The following BRI3 variants were observed in gnomAD, a reference collection of about 807,000 sequenced individuals.
BRI3 encodes membrane protein BRI3.
A neutral mutation model predicts 12.8 loss-of-function variants in BRI3; 6 were observed. That is an observed-to-expected ratio of 0.47 (90% CI 0.26 to 0.93). The LOEUF (loss-of-function observed/expected upper bound fraction) is 0.93, where lower values mean the gene tolerates loss of function less well. Ranked by LOEUF, BRI3 falls within the 40% of genes least tolerant of loss-of-function variation. BRI3 has a pLI of 0.15. For missense variants in BRI3, 134 were observed against 171.1 expected (o/e 0.78, Z 1.21); for synonymous variants, 91 against 76.1 (o/e 1.20, Z -1.02).
chr7:98,293,563 G>A (rs13008), downstream of BRI3: 641,930 of 1,610,846 alleles, frequency 0.4, 143,046 homozygotes, highest in Middle Eastern at 0.48. Flanking sequence ...TCACAGTCGG[G>A]CGGAGTTTCA....
chr7:98,321,079 G>A, the BRI3 span, among the ~76,000 whole-genome samples: 1 of 151,698 alleles, frequency 6.6e-6, no homozygotes, highest in Non-Finnish European at 1.5e-5. Flanking sequence ...GGTTGGTCTC[G>A]AACTCCTGAC....
downstream of BRI3, among the ~76,000 whole-genome samples, chr7:98,311,668 G>T (rs1358613448): frequency 2.6e-5 from 4 of 152,018 alleles, no homozygotes; most frequent in Non-Finnish European, 5.9e-5. Flanking sequence ...AGCACTTTGG[G>T]AGGCCGAGGC....
At chr7:98,322,124 G>C in the BRI3 span, among the ~76,000 whole-genome samples, 17 of 152,068 alleles carry the variant, frequency 1.1e-4, no homozygotes, top group Non-Finnish European at 1.9e-4. Context: ...AATTCTAGTG[G>C]GGAACTGAGA....
chr7:98,323,154 G>A, the BRI3 span: 1 of 152,248 alleles, frequency 6.6e-6, no homozygotes, highest in Admixed American at 6.6e-5. Context: ...TCCAGAACGG[G>A]GCATGAGAAA....
At chr7:98,283,672 C>T (rs774834676) in intron 2 of BRI3, among the ~76,000 whole-genome samples, 1 of 152,192 alleles carries the variant, frequency 6.6e-6, no homozygotes, top group African/African-American at 2.4e-5. Flanking sequence ...AGCAGAGGGT[C>T]TGCCTGCGTG....
At chr7:98,302,662 CAA>C (rs1429594529), upstream of BRI3, among the ~76,000 whole-genome samples, 1 of 152,184 alleles carries the variant, frequency 6.6e-6, no homozygotes, top group Admixed American at 6.5e-5. Context: ...GGTTCTTCTA[CAA>C]AGAGACTGCT....
At chr7:98,320,151 T>C in the BRI3 span, 3 of 1,602,338 alleles carry the variant, frequency 1.9e-6, no homozygotes, top group Non-Finnish European at 2.6e-6. Context: ...AGGAAATAAA[T>C]TCATACCAGG....
chr7:98,317,632 C>G, the BRI3 span, among the ~76,000 whole-genome samples: 3 of 151,338 alleles, frequency 2.0e-5, no homozygotes, highest in Non-Finnish European at 4.4e-5. Context: ...GGACCCTCAC[C>G]CTGCAGTTCA....
At chr7:98,319,068 T>A in the BRI3 span, among the ~76,000 whole-genome samples, 1 of 152,082 alleles carries the variant, frequency 6.6e-6, no homozygotes, top group African/African-American at 2.4e-5. Context: ...TCCTGTGGCC[T>A]CCTGCCGGGA....
intron 1 of BRI3, 92 bp from the exon 2 acceptor site, chr7:98,282,259 C>T: frequency 2.1e-5 from 24 of 1,128,646 alleles, no homozygotes; most frequent in Non-Finnish European, 3.0e-5. Context: ...GCTTTTTTAG[C>T]GGGGTGGAGG....
At chr7:98,292,778 A>G (rs1584405206), downstream of BRI3, 4 of 1,547,188 alleles carry the variant, frequency 2.6e-6, no homozygotes, top group African/African-American at 4.1e-5. Flanking sequence ...TGAGAACACA[A>G]GGAGCCGTGA....
downstream of BRI3, among the ~76,000 whole-genome samples, chr7:98,296,431 G>A (rs371372351): frequency 2.3e-4 from 35 of 152,292 alleles, no homozygotes; most frequent in South Asian, 6.6e-3. Context: ...TTCGAGACCA[G>A]CCTGACCAAC....
upstream of BRI3, among the ~76,000 whole-genome samples, chr7:98,306,021 A>T (rs2116850859): frequency 6.6e-6 from 1 of 152,278 alleles, no homozygotes; most frequent in East Asian, 1.9e-4. Context: ...AGAGCTGGTG[A>T]GGCAGAAGAC....
chr7:98,283,532 G>A (rs1799605546), intron 2 of BRI3, among the ~76,000 whole-genome samples: 1 of 151,850 alleles, frequency 6.6e-6, no homozygotes, highest in Admixed American at 6.6e-5. Flanking sequence ...TGGAGTGAAG[G>A]TGGAGGGAGG....
chr7:98,286,954 C>T (rs1315679859), intron 2 of BRI3, among the ~76,000 whole-genome samples: 1 of 152,184 alleles, frequency 6.6e-6, no homozygotes, highest in African/African-American at 2.4e-5. Context: ...CTGTGGAATC[C>T]TGGGGGGTAG....
downstream of BRI3, chr7:98,293,137 A>T (rs939109536): frequency 8.6e-6 from 3 of 350,832 alleles, no homozygotes; most frequent in Non-Finnish European, 1.3e-5. Context: ...GCTTTATAAA[A>T]TAAAACTGGT....
chr7:98,291,423 G>C lies in BRI3; in HGVS notation c.*180G>C. ...AGAGGCAGTGCTGCTGCTCCCGCCC[G>C]AGGCTCATGACAACTCAATAAAGCA... On this transcript the variant is annotated 3_prime_UTR_variant, in exon 3 of 3. Transcript: ENST00000297290. The C allele has an allele frequency of 7.0e-7, 1 of 1,432,728 alleles. No homozygotes were observed. The highest frequency in any genetic ancestry group is 9.1e-7 in the Non-Finnish European group (1 of 1,094,392). 88.8% of individuals were successfully genotyped at this position (1,432,728 alleles called of 1,614,324 possible). A position where few individuals can be genotyped will look rare whatever the true frequency, so the allele number is the denominator to read the frequency against.
At chr7:98,295,250 G>A (rs376325253), downstream of BRI3, among the ~76,000 whole-genome samples, 6 of 152,184 alleles carry the variant, frequency 3.9e-5, no homozygotes, top group South Asian at 2.1e-4. Context: ...CTGTGGAGAC[G>A]GAAGGCAGTT....
At chr7:98,310,259 G>A (rs1051243200) in exon 2 of BRI3, 2 of 562,624 alleles carry the variant, frequency 3.6e-6, no homozygotes, top group Non-Finnish European at 6.0e-6. Flanking sequence ...TTATCAGAGC[G>A]TCTCACAGTC....
Sources: gnomAD v4.1 joint callset for allele counts (sites outside exome capture counted in the v4.1 genomes callset) on GRCh38, gnomAD v4.1.1 for gene constraint, MANE v1.5 for transcripts, NCBI Gene and HGNC (gene_info 2026-07-23, HGNC 2026-07-21) for gene names.